Variants in COQ10A observed in about 807,000 individuals in gnomAD.
COQ10A encodes coenzyme Q10A, also known as coenzyme Q-binding protein COQ10 homolog A, mitochondrial.
Under a neutral mutation model 26.1 loss-of-function variants are expected in COQ10A, and 25 were observed. The ratio of observed to expected loss-of-function variants is 0.96; its 90% CI spans 0.70 to 1.34. The LOEUF is 1.34. Among genes scored for constraint, COQ10A ranks in the 40% most tolerant of loss-of-function variants. COQ10A has a pLI of 0.00. For synonymous variants in COQ10A, 132 were observed against 124.0 expected (o/e 1.06, Z -0.43); for missense variants, 312 against 335.4 (o/e 0.93, Z 0.54).
Position 56,270,169 on chromosome 12 carries a change from C to G in COQ10A, c.596C>G (p.Ser199Cys). The part of the protein sequence containing the change: ...VDFSISFEFR[S>C]LLHSQLATMF... ...TCCCAGATTTCCTTTGAATTTCGTT[C>G]TCTGCTGCACTCCCAGCTGGCCACC... Residue 199 changes from serine (S) to cysteine (C), a missense_variant, in exon 5 of 5, where the codon TCT becomes TGT. Ser to Cys is a moderately radical substitution (Grantham distance 112, BLOSUM62 -1). Coordinates refer to ENST00000308197, the MANE Select transcript of COQ10A (RefSeq NM_144576.4). The G allele has an allele frequency of 6.2e-7, 1 of 1,613,878 alleles. No homozygotes were observed. Among genetic ancestry groups the G allele is most frequent in the Non-Finnish European group, 8.5e-7 (1 of 1,179,836 alleles).
rs768625620 is a variant in COQ10A, at chr12:56,267,871, G to T, written c.212G>T (p.Arg71Leu). The change falls in exon 2 of 5, where the codon CGT (arginine) becomes CTT (leucine). Residue 71 changes from arginine (R) to leucine (L), a missense_variant. By Grantham distance (102) the Arg-to-Leu change is moderately radical. Transcript: ENST00000308197. ...LAAEAGLPSS[R>L]SFMGFAAPFT... Reference sequence around the variant, plus strand: ...GCTGAGGCTGGCTTACCTTCGAGCCGTTCCTTCATGGGATTTGCTGCTCCC... The same window carrying T: ...GCTGAGGCTGGCTTACCTTCGAGCCTTTCCTTCATGGGATTTGCTGCTCCC... The T allele has an allele frequency of 1.2e-6, 2 of 1,614,154 alleles. No homozygotes were observed. Among genetic ancestry groups the T allele is most frequent in the Non-Finnish European group, 1.7e-6 (2 of 1,180,016 alleles).
intron 4 of COQ10A, 94 bp downstream of exon 4, chr12:56,269,655 T>C: frequency 1.1e-6 from 1 of 911,456 alleles, no homozygotes; most frequent in Non-Finnish European, 1.8e-6. Flanking sequence ...TGAGATGGAG[T>C]CTTGCTCCGT....
Position 56,267,225 on chromosome 12 carries a change from G to C in COQ10A, c.107G>C (p.Gly36Ala), listed in dbSNP as rs753811596. ...GGCGCGCAACCGGCCCCGCCCCCAG[G>C]CCCTCTGCCACCGCCGCGACCAATG... ...SPGAQPAPPP[G>A]PLPPPRPMRF... The change falls in exon 1 of 5, where the codon GGC (glycine) becomes GCC (alanine). Residue 36 changes from glycine to alanine, a missense_variant. Coordinates refer to ENST00000308197, the MANE Select transcript of COQ10A (RefSeq NM_144576.4). 5 of 1,458,136 alleles carry C rather than the reference G, an allele frequency of 3.4e-6. No individual in the cohort carries two copies. Among genetic ancestry groups the C allele is most frequent in the East Asian group, 2.6e-5 (1 of 37,738 alleles). The allele number at this position is 1,458,136 out of a possible 1,614,324, so 90.3% of individuals were successfully genotyped here.
intron 2 of COQ10A, 118 bp downstream of exon 2, chr12:56,268,058 C>T: frequency 1.6e-6 from 2 of 1,280,334 alleles, no homozygotes; most frequent in East Asian, 4.6e-5. Context: ...ATCCCCCTCC[C>T]CAGCTACAAT....
intron 2 of COQ10A, chr12:56,268,157 G>A (rs1872406334): frequency 1.6e-6 from 1 of 623,828 alleles, no homozygotes; most frequent in Non-Finnish European, 2.8e-6. Flanking sequence ...AATGAGACTA[G>A]GGTTGGACTA....
Position 56,269,561 on chromosome 12 carries a change from G to A in COQ10A, c.576G>A (p.Ser192=), listed in dbSNP as rs199765776. 713 of 1,607,660 alleles carry A rather than the reference G, an allele frequency of 4.4e-4. 1 individual carries two copies. The highest frequency in any genetic ancestry group is 8.7e-4 in the Admixed American group (52 of 60,008). The stretch of plus-strand genomic sequence containing the variant: ...CTCGAACCTGCACTGTGGACTTTTC[G>A]GTGAGTCAGGAGGTTGTGTAGCAGA... ...AYPRTCTVDF[S]ISFEFRSLLH... The change falls in exon 4 of 5, where the codon TCG becomes TCA. Residue 192 remains serine, a splice_region_variant and synonymous_variant. Coordinates refer to ENST00000308197, the MANE Select transcript of COQ10A (RefSeq NM_144576.4).
chr12:56,269,248 C>G lies in COQ10A; in HGVS notation c.471C>G (p.Val157=), dbSNP rs1261519200. 11 of 1,613,762 alleles carry G rather than the reference C, an allele frequency of 6.8e-6. No homozygotes were observed. Among genetic ancestry groups the G allele is most frequent in the Non-Finnish European group, 9.3e-6 (11 of 1,179,826 alleles). ...TTTCCATGGTCAAACCTCACATGGT[C>G]AAGGTGAGGCCTGTATGGGAGGGAT... is the stretch of plus-strand genomic sequence containing the variant. ...SAVSMVKPHM[V]KAVCTDGKLF... is the part of the protein sequence containing the mutation. The change falls in exon 3 of 5, where the codon GTC becomes GTG. Residue 157 remains valine (V), a synonymous_variant. Transcript: ENST00000308197.
intron 1 of COQ10A, 174 bp from the exon 2 acceptor site, chr12:56,267,620 C>A: frequency 8.5e-7 from 1 of 1,172,912 alleles, no homozygotes; most frequent in Non-Finnish European, 1.3e-6. Context: ...TGCCCTCGAC[C>A]TTTTGCACTC....
At chr12:56,269,680 T>C in intron 4 of COQ10A, 119 bp downstream of exon 4, 1 of 800,282 alleles carries the variant, frequency 1.2e-6, no homozygotes, top group South Asian at 1.5e-5. Flanking sequence ...CAGGCTGGAG[T>C]GCAATGGCAC....
At chr12:56,267,630 C>A in intron 1 of COQ10A, 164 bp from the exon 2 acceptor site, 1 of 1,201,780 alleles carries the variant, frequency 8.3e-7, no homozygotes, top group Non-Finnish European at 1.2e-6. Flanking sequence ...CTTTTGCACT[C>A]GTGACTCCCT....
intron 1 of COQ10A, 152 bp downstream of exon 1, chr12:56,267,404 G>C (rs201246862): frequency 6.8e-6 from 11 of 1,613,876 alleles, no homozygotes; most frequent in Non-Finnish European, 4.2e-6. Context: ...TAATGCTTTT[G>C]CAAGTTGTAC....
At chr12:56,267,766 G>C in intron 1 of COQ10A, 28 bp from the exon 2 acceptor site, 2 of 1,613,902 alleles carry the variant, frequency 1.2e-6, no homozygotes, top group Non-Finnish European at 1.7e-6. Flanking sequence ...AGAACTATAC[G>C]GTTGGCTCCT....
chr12:56,270,254 C>A lies in COQ10A; in HGVS notation c.681C>A (p.Thr227=), dbSNP rs1357749019. The A allele has an allele frequency of 1.2e-6, 2 of 1,613,978 alleles. No individual in the cohort carries two copies. The highest frequency in any genetic ancestry group is 1.7e-6 in the Non-Finnish European group (2 of 1,180,016). Residue 227 remains threonine (T), a synonymous_variant, in exon 5 of 5, where the codon ACC becomes ACA. Transcript: ENST00000308197. The part of the protein sequence containing the change: ...NVAAFERRAA[T]KFGPETAIPR... Reference sequence around the variant, plus strand: ...CTGCCTTTGAGCGTCGGGCAGCCACCAAGTTTGGTCCAGAAACAGCCATCC... The same window carrying A: ...CTGCCTTTGAGCGTCGGGCAGCCACAAAGTTTGGTCCAGAAACAGCCATCC...
chr12:56,269,367 C>A, intron 3 of COQ10A, 93 bp from the exon 4 acceptor site: 1 of 1,452,820 alleles, frequency 6.9e-7, no homozygotes. Context: ...GTATTTCCCT[C>A]ATATCAGAAA....
intron 2 of COQ10A, chr12:56,268,707 A>G (rs367691992): frequency 9.8e-6 from 2 of 204,036 alleles, no homozygotes; most frequent in East Asian, 2.2e-4. Flanking sequence ...GAGAAAATGG[A>G]GACACAGGTA....
At position 56,266,962 on chromosome 12, in the gene COQ10A, C is replaced by A; in HGVS notation, c.-157C>A. ...GCTTCAGTTCTAGCCTACCCGGCAG[C>A]CTGGACGGGAGCAAGGCGAGAGGTG... On this transcript the variant is annotated 5_prime_UTR_variant, in exon 1 of 5. Coordinates refer to ENST00000308197, the MANE Select transcript of COQ10A (RefSeq NM_144576.4). 1 of 713,866 alleles carries A rather than the reference C, an allele frequency of 1.4e-6. No homozygotes were observed. Among genetic ancestry groups the A allele is most frequent in the Non-Finnish European group, 1.9e-6 (1 of 528,254 alleles). The allele number at this position is 713,866 out of a possible 1,614,324, so 44.2% of individuals were successfully genotyped here.
chr12:56,267,792 A>C lies in COQ10A; in HGVS notation c.135-2A>C. On this transcript the variant is annotated splice_acceptor_variant, in intron 1 of 4. Transcript: ENST00000308197. LOFTEE classifies it high-confidence loss of function. ...GTTGGCTCCTCTTTCCTTTGGCCTT[A>C]GGTTTCTGACCTCCTGCAGCCTCCT... The C allele has an allele frequency of 6.2e-7, 1 of 1,614,044 alleles. No individual in the cohort carries two copies. Among genetic ancestry groups the C allele is most frequent in the Non-Finnish European group, 8.5e-7 (1 of 1,179,996 alleles).
chr12:56,270,013 A>G (rs1426560292), intron 4 of COQ10A, 137 bp from the exon 5 acceptor site: 1 of 817,736 alleles, frequency 1.2e-6, no homozygotes. Flanking sequence ...GCTCAGTCCC[A>G]AGTTAGGGCT....
In COQ10A at chr12:56,267,579, C is replaced by A. The variant is rs1329139873; in HGVS notation, c.135-215C>A. On this transcript the variant is annotated intron_variant, in intron 1 of 4. Coordinates refer to ENST00000308197, the MANE Select transcript of COQ10A (RefSeq NM_144576.4). ...TCCCACACACCCCTTTTTCTCATCCCCCTCACCCCGCCCCCAGCCCTGTCC... is the reference window on the plus strand; with the variant it reads ...TCCCACACACCCCTTTTTCTCATCCACCTCACCCCGCCCCCAGCCCTGTCC... 2.7e-6 allele frequency: 3 copies of A among 1,118,314 alleles called. No individual in the cohort carries two copies. The East Asian group carries it at 7.1e-5, about 26-fold the overall frequency. 69.3% of individuals were successfully genotyped at this position (1,118,314 alleles called of 1,614,324 possible). A position where few individuals can be genotyped will look rare whatever the true frequency, so the allele number is the denominator to read the frequency against.
Sources: allele counts gnomAD v4.1 joint callset, GRCh38; gene constraint gnomAD v4.1.1; transcripts MANE v1.5; gene names NCBI Gene and HGNC (gene_info 2026-07-23, HGNC 2026-07-21).